The following LSM6 variants were observed in gnomAD, a reference collection of about 807,000 sequenced individuals.
LSM6 encodes U6 snRNA-associated Sm-like protein LSm6.
A neutral mutation model predicts 13.5 loss-of-function variants in LSM6; 2 were observed. That is an observed-to-expected ratio of 0.15 (90% CI 0.06 to 0.47). LSM6 has a LOEUF of 0.47. Among genes scored for constraint, LSM6 ranks in the 20% least tolerant of loss-of-function variants. The pLI, the probability that LSM6 is intolerant of heterozygous loss-of-function variation, is 0.97. For missense variants in LSM6, 58 were observed against 96.4 expected (o/e 0.60, Z 1.67); for synonymous variants, 43 against 34.9 (o/e 1.23, Z -0.82).
At chr4:146,182,891 C>G in intron 1 of LSM6, 21 bp from the exon 2 acceptor site, 1 of 1,397,582 alleles carries the variant, frequency 7.2e-7, no homozygotes, top group African/African-American at 1.4e-5. Flanking sequence ...TTTTATTGTT[C>G]CTTTTCATAT....
At chr4:146,188,530 T>G in intron 3 of LSM6, among the ~76,000 whole-genome samples, 1 of 152,146 alleles carries the variant, frequency 6.6e-6, no homozygotes, top group East Asian at 1.9e-4. Context: ...TTAAAGAGGA[T>G]CTTGACTTAT....
chr4:146,190,228 G>C lies in LSM6; in HGVS notation c.*572G>C, dbSNP rs1355443732. On this transcript the variant is annotated 3_prime_UTR_variant, in exon 4 of 4. Transcript: ENST00000296581. ...GCCAAGAGTGCCACTTGCACATAAG[G>C]AGTGGGAATTCGAACTGAGGTGCTG... 1 of 152,506 alleles carries C rather than the reference G, an allele frequency of 6.6e-6. No homozygotes were observed. The highest frequency in any genetic ancestry group is 1.5e-5 in the Non-Finnish European group (1 of 68,272). 9.4% of individuals were successfully genotyped at this position (152,506 alleles called of 1,614,324 possible).
intron 3 of LSM6, 126 bp from the exon 4 acceptor site, chr4:146,189,495 TG>T: frequency 1.5e-6 from 1 of 661,282 alleles, no homozygotes; most frequent in Non-Finnish European, 2.7e-6. Context: ...GTTAATTGAA[TG>T]ATACGAGAAT....
rs570972231 is a variant in LSM6, at chr4:146,187,015, G to T, written c.95-259G>T. 2.6e-5 allele frequency among the ~76,000 whole-genome samples: 4 copies of T among 152,266 alleles called. No homozygotes were observed. In the East Asian group the frequency reaches 5.8e-4, roughly 22 times the overall value. The stretch of plus-strand genomic sequence containing the variant: ...TGAATGCTTTAAAAGTTTCTGTGTG[G>T]TCATACGTACCATGAGGGAAGTGAC... On this transcript the variant is annotated intron_variant, in intron 2 of 3. Coordinates refer to ENST00000296581, the MANE Select transcript of LSM6 (RefSeq NM_007080.3).
chr4:146,180,348 G>GA (rs1578677080), intron 1 of LSM6, among the ~76,000 whole-genome samples: 2 of 152,210 alleles, frequency 1.3e-5, no homozygotes, highest in African/African-American at 4.8e-5. Flanking sequence ...GGTGCTCCGT[G>GA]AAAGTTGGAA....
At chr4:146,179,583 A>T (rs1244102789) in intron 1 of LSM6, among the ~76,000 whole-genome samples, 3 of 152,208 alleles carry the variant, frequency 2.0e-5, no homozygotes, top group African/African-American at 7.2e-5. Flanking sequence ...GTTTAGTAGA[A>T]TGTAGATATT....
At chr4:146,184,144 C>CT (rs917109724) in intron 2 of LSM6, among the ~76,000 whole-genome samples, 1 of 94,340 alleles carries the variant, frequency 1.1e-5, no homozygotes, top group African/African-American at 2.8e-5. Context: ...TGCGTGAAGA[C>CT]TTTTTTTTAA....
At chr4:146,182,812 T>C in intron 1 of LSM6, 100 bp from the exon 2 acceptor site, 1 of 717,676 alleles carries the variant, frequency 1.4e-6, no homozygotes, top group East Asian at 2.6e-5. Flanking sequence ...GGTCCTTTGA[T>C]ACTTCATTTT....
chr4:146,188,085 C>T (rs1730387084), intron 3 of LSM6, among the ~76,000 whole-genome samples: 2 of 152,112 alleles, frequency 1.3e-5, no homozygotes, highest in Non-Finnish European at 2.9e-5. Flanking sequence ...ATGTCTTCAA[C>T]CCCCTAAATA....
In LSM6 at chr4:146,178,656, G is replaced by A. The variant is rs1168216545; in HGVS notation, c.-11+2845G>A. 2.6e-5 allele frequency among the ~76,000 whole-genome samples: 4 copies of A among 152,198 alleles called. No homozygotes were observed. The East Asian group carries it at 7.7e-4, about 29-fold the overall frequency. On this transcript the variant is annotated intron_variant, in intron 1 of 3. Transcript: ENST00000296581. Reference sequence around the variant, plus strand: ...CAGGTAAACATTGCCAAGAAATAAGGATTTTCATGTCTTCTGCTCAGTGGC... The same window carrying A: ...CAGGTAAACATTGCCAAGAAATAAGAATTTTCATGTCTTCTGCTCAGTGGC...
Position 146,182,986 on chromosome 4 carries a change from T to C in LSM6, c.65T>C (p.Val22Ala), listed in dbSNP as rs375409946. 3 of 1,613,158 alleles carry C rather than the reference T, an allele frequency of 1.9e-6. No individual in the cohort carries two copies. Among genetic ancestry groups the C allele is most frequent in the Non-Finnish European group, 2.5e-6 (3 of 1,179,300 alleles). The change falls in exon 2 of 4, where the codon GTA (valine) becomes GCA (alanine). Residue 22 changes from valine (V) to alanine (A), a missense_variant. This residue lies in a region of LSM6 where 28 missense variants were observed against 32.6 expected (regional missense o/e 0.86). Transcript: ENST00000296581. ...LKQIIGRPVV[V>A]KLNSGVDYRG... The stretch of plus-strand genomic sequence containing the variant: ...CAAATCATCGGACGACCAGTTGTGG[T>C]AAAATTAAATTCTGGAGTGGATTAT...
At chr4:146,176,658 A>G (rs988321930) in intron 1 of LSM6, 1 of 152,048 alleles carries the variant, frequency 6.6e-6, no homozygotes, top group African/African-American at 2.4e-5. Context: ...TTCCATTTAA[A>G]AACTCTTCCT....
intron 2 of LSM6, among the ~76,000 whole-genome samples, chr4:146,183,870 C>CTTTTTTTTTTTTTTTTT (rs1206702736): frequency 8.5e-6 from 1 of 117,494 alleles, no homozygotes. Flanking sequence ...GGGTAATTTT[C>CTTTTTTTTTTTTTTTTT]TTTTTTTTTT....
chr4:146,188,624 A>C (rs1730399024), intron 3 of LSM6, among the ~76,000 whole-genome samples: 1 of 152,142 alleles, frequency 6.6e-6, no homozygotes, highest in Non-Finnish European at 1.5e-5. Context: ...GTAGGCATGG[A>C]AGGTGGAAGG....
In LSM6 at chr4:146,189,598, A is replaced by G. The variant is rs201647324; in HGVS notation, c.209-24A>G. On this transcript the variant is annotated intron_variant, in intron 3 of 3. Coordinates refer to ENST00000296581, the MANE Select transcript of LSM6 (RefSeq NM_007080.3). ...TACAAGCAGGGTTTTTTAAATTTCA[A>G]TTTATGTATTTTTTTCTTTTCAGTG... 15 of 1,538,764 alleles carry G rather than the reference A, an allele frequency of 9.7e-6. No homozygotes were observed. The East Asian group carries it at 2.3e-4, about 23-fold the overall frequency.
chr4:146,189,754 A>G lies in LSM6; in HGVS notation c.*98A>G, dbSNP rs2110893819. 1.2e-6 allele frequency: 1 copy of G among 800,264 alleles called. No homozygotes were observed. The highest frequency in any genetic ancestry group is 2.6e-5 in the East Asian group (1 of 38,284). The allele number at this position is 800,264 out of a possible 1,614,324, so 49.6% of individuals were successfully genotyped here. On this transcript the variant is annotated 3_prime_UTR_variant, in exon 4 of 4. Coordinates refer to ENST00000296581, the MANE Select transcript of LSM6 (RefSeq NM_007080.3). The stretch of plus-strand genomic sequence containing the variant: ...TTGTGATACAATTTGTCCTCTTTTT[A>G]TAATAGTTGGTGATTTTTCACTGAC...
chr4:146,188,047 G>C (rs1023537255), intron 3 of LSM6, among the ~76,000 whole-genome samples: 2 of 152,080 alleles, frequency 1.3e-5, no homozygotes, highest in African/African-American at 4.8e-5. Context: ...CTTGAGTTCA[G>C]ATTTTTTGTT....
chr4:146,186,077 C>T (rs1472549583), intron 2 of LSM6, among the ~76,000 whole-genome samples: 1 of 152,182 alleles, frequency 6.6e-6, no homozygotes, highest in Non-Finnish European at 1.5e-5. Context: ...GGTTTTCAAA[C>T]AGGTTTGCAT....
chr4:146,189,571 C>T, intron 3 of LSM6, 51 bp from the exon 4 acceptor site: 1 of 1,242,506 alleles, frequency 8.0e-7, no homozygotes, highest in South Asian at 1.3e-5. Flanking sequence ...ACTATGTATA[C>T]TTACAAGCAG....
Sources: gnomAD v4.1 joint callset for allele counts (sites outside exome capture counted in the v4.1 genomes callset) on GRCh38, gnomAD v4.1.1 for gene constraint, gnomAD v4.1.1 regional missense constraint, MANE v1.5 for transcripts, NCBI Gene and HGNC (gene_info 2026-07-23, HGNC 2026-07-21) for gene names.